The following LURAP1L variants were observed in gnomAD, a reference collection of about 807,000 sequenced individuals.
The protein encoded by LURAP1L is leucine rich adaptor protein 1-like.
In LURAP1L, 12 loss-of-function variants were observed where a neutral mutation model predicts 13.8. The ratio of observed to expected loss-of-function variants is 0.87; its 90% CI spans 0.56 to 1.41. LURAP1L has a LOEUF of 1.41. Ranked by LOEUF, LURAP1L falls within the 40% of genes most tolerant of loss-of-function variation. The probability of loss-of-function intolerance (pLI) is 0.00; values close to 1 mark genes in which losing one functional copy is unlikely to be tolerated. For missense variants in LURAP1L, 375 were observed against 292.9 expected (o/e 1.28, Z -2.04); for synonymous variants, 139 against 119.2 (o/e 1.17, Z -1.08).
chr9:12,798,434 T>C (rs1007664384), intron 1 of LURAP1L, among the ~76,000 whole-genome samples: 1 of 152,222 alleles, frequency 6.6e-6, no homozygotes, highest in Non-Finnish European at 1.5e-5. Flanking sequence ...ATTTTAAAAC[T>C]GAAGGACAAT....
intron 1 of LURAP1L, among the ~76,000 whole-genome samples, chr9:12,778,575 G>C (rs1002452357): frequency 6.6e-6 from 1 of 152,178 alleles, no homozygotes; most frequent in African/African-American, 2.4e-5. Flanking sequence ...ATTTGGGACT[G>C]ATGAAGGCCT....
chr9:12,813,186 TA>T (rs1440956635), intron 1 of LURAP1L, among the ~76,000 whole-genome samples: 1 of 152,184 alleles, frequency 6.6e-6, no homozygotes, highest in Non-Finnish European at 1.5e-5. Context: ...AGCTTTTTGT[TA>T]AATTTTCAGG....
chr9:12,797,027 G>A (rs1819520083), intron 1 of LURAP1L, among the ~76,000 whole-genome samples: 1 of 151,884 alleles, frequency 6.6e-6, no homozygotes, highest in Non-Finnish European at 1.5e-5. Context: ...TATTATCACT[G>A]GGGTTCTTTC....
chr9:12,802,073 A>T (rs1242547666), intron 1 of LURAP1L, among the ~76,000 whole-genome samples: 1 of 152,052 alleles, frequency 6.6e-6, no homozygotes, highest in East Asian at 1.9e-4. Flanking sequence ...TATACATAAT[A>T]AAGTTGGCCT....
intron 1 of LURAP1L, among the ~76,000 whole-genome samples, chr9:12,786,581 T>TATATATATATAA (rs61134838): frequency 4.1e-5 from 5 of 121,452 alleles, no homozygotes; most frequent in African/African-American, 1.1e-4. Flanking sequence ...TATATATATA[T>TATATATATATAA]AAACCCTTGT....
chr9:12,806,539 G>A (rs892337470), intron 1 of LURAP1L, among the ~76,000 whole-genome samples: 3 of 152,010 alleles, frequency 2.0e-5, no homozygotes, highest in African/African-American at 4.8e-5. Flanking sequence ...TGCTTTGATG[G>A]CTTCTTGGGC....
At chr9:12,785,343 G>A (rs990715719) in intron 1 of LURAP1L, among the ~76,000 whole-genome samples, 3 of 152,058 alleles carry the variant, frequency 2.0e-5, no homozygotes, top group Admixed American at 1.3e-4. Context: ...GGTGACACAA[G>A]CACTCCCTCG....
chr9:12,792,653 A>G (rs1203078016), intron 1 of LURAP1L, among the ~76,000 whole-genome samples: 1 of 152,102 alleles, frequency 6.6e-6, no homozygotes, highest in Non-Finnish European at 1.5e-5. Context: ...CATAAACGAC[A>G]TTAGATTTAC....
chr9:12,775,768 G>C lies in LURAP1L; in HGVS notation c.53G>C (p.Arg18Pro), dbSNP rs1242143103. Reference sequence around the variant, plus strand: ...AGAGACATCGAGCTGAAGCTGGGGCGCAAAGTACCCGAGAGTCTAGTGCGC... The same window carrying C: ...AGAGACATCGAGCTGAAGCTGGGGCCCAAAGTACCCGAGAGTCTAGTGCGC... ...DLRDIELKLG[R>P]KVPESLVRSL... The change falls in exon 1 of 2, where the codon CGC (arginine) becomes CCC (proline). Residue 18 changes from arginine (R) to proline (P), a missense_variant. Transcript: ENST00000319264. 1 of 1,607,272 alleles carries C rather than the reference G, an allele frequency of 6.2e-7. No individual in the cohort carries two copies. The highest frequency in any genetic ancestry group is 1.1e-5 in the South Asian group (1 of 90,534).
At chr9:12,814,209 G>C (rs142511555) in intron 1 of LURAP1L, 6 of 152,218 alleles carry the variant, frequency 3.9e-5, no homozygotes, top group African/African-American at 1.4e-4. Flanking sequence ...GATCACGGAG[G>C]AGCACATTAA....
chr9:12,791,282 A>G (rs955851722), intron 1 of LURAP1L, among the ~76,000 whole-genome samples: 3 of 152,136 alleles, frequency 2.0e-5, no homozygotes, highest in Non-Finnish European at 4.4e-5. Flanking sequence ...CAAAATATGA[A>G]AAATGGCTAC....
intron 1 of LURAP1L, among the ~76,000 whole-genome samples, chr9:12,810,766 C>T (rs576975644): frequency 4.6e-5 from 7 of 152,182 alleles, no homozygotes; most frequent in African/African-American, 1.7e-4. Flanking sequence ...TGTCAGGTGT[C>T]TCTTATTGGA....
intron 1 of LURAP1L, among the ~76,000 whole-genome samples, chr9:12,777,770 G>A (rs909922524): frequency 5.9e-5 from 9 of 152,130 alleles, no homozygotes; most frequent in Non-Finnish European, 1.0e-4. Flanking sequence ...AAATAATTAC[G>A]TTCCACTTAG....
chr9:12,783,442 C>A (rs566243497), intron 1 of LURAP1L, among the ~76,000 whole-genome samples: 60 of 152,040 alleles, frequency 3.9e-4, no homozygotes, highest in Non-Finnish European at 7.4e-4. Context: ...AATGCTTTTC[C>A]AGTATCAACT....
At chr9:12,786,547 C>CATATATATATATATACAT (rs2093731702) in intron 1 of LURAP1L, among the ~76,000 whole-genome samples, 1 of 53,006 alleles carries the variant, frequency 1.9e-5, no homozygotes, top group Non-Finnish European at 3.3e-5. Context: ...ATATATATGA[C>CATATATATATATATACAT]ATATATATAT....
At chr9:12,819,392 A>G (rs1160180667) in intron 1 of LURAP1L, among the ~76,000 whole-genome samples, 1 of 152,168 alleles carries the variant, frequency 6.6e-6, no homozygotes, top group Non-Finnish European at 1.5e-5. Context: ...CATCTCTCCT[A>G]ATGTTTATTC....
intron 1 of LURAP1L, among the ~76,000 whole-genome samples, chr9:12,779,076 TTCTC>T (rs796796467): frequency 1.1e-4 from 17 of 152,090 alleles, no homozygotes; most frequent in African/African-American, 3.4e-4. Context: ...CTCTCTCTCT[TTCTC>T]TCTCATTCTC....
rs769385779 is a variant in LURAP1L at position 12,775,925 on chromosome 9, G to T, written c.210G>T (p.Ser70=). Residue 70 remains serine, a synonymous_variant, in exon 1 of 2, where the codon TCG becomes TCT. Coordinates refer to ENST00000319264, the MANE Select transcript of LURAP1L (RefSeq NM_203403.2). ...SSYCSFPPSL[S]SSSSSSPTSG... Reference sequence around the variant, plus strand: ...ACTGCAGCTTCCCTCCCTCCTTGTCGTCCTCCTCTTCGTCCTCCCCAACCT... The same window carrying T: ...ACTGCAGCTTCCCTCCCTCCTTGTCTTCCTCCTCTTCGTCCTCCCCAACCT... 9.5e-6 allele frequency: 15 copies of T among 1,572,298 alleles called. No individual in the cohort carries two copies. Among genetic ancestry groups the T allele is most frequent in the Admixed American group, 1.9e-5 (1 of 53,186 alleles).
intron 1 of LURAP1L, among the ~76,000 whole-genome samples, chr9:12,805,096 A>C (rs565019606): frequency 3.9e-4 from 59 of 152,286 alleles, no homozygotes; most frequent in African/African-American, 1.4e-3. Context: ...TTGTAAACTA[A>C]AATTACCAAA....
Sources: gnomAD v4.1 joint callset for allele counts (sites outside exome capture counted in the v4.1 genomes callset) on GRCh38, gnomAD v4.1.1 for gene constraint, MANE v1.5 for transcripts, NCBI Gene and HGNC (gene_info 2026-07-23, HGNC 2026-07-21) for gene names.